Variants in LYPD6 observed in about 807,000 individuals in gnomAD.
The protein encoded by LYPD6 is LY6/PLAUR domain containing 6.
Under a neutral mutation model 22.7 loss-of-function variants are expected in LYPD6, and 15 were observed. That is an observed-to-expected ratio of 0.66 (90% CI 0.44 to 1.02). The LOEUF is 1.02. Ranked by LOEUF, LYPD6 falls within the 50% of genes least tolerant of loss-of-function variation. The pLI is 0.00. For missense variants in LYPD6, 189 were observed against 208.4 expected (o/e 0.91, Z 0.57); for synonymous variants, 72 against 77.5 (o/e 0.93, Z 0.37).
At chr2:149,451,591 T>C (rs559400960) in intron 3 of LYPD6, among the ~76,000 whole-genome samples, 8 of 152,328 alleles carry the variant, frequency 5.3e-5, no homozygotes, top group Admixed American at 2.0e-4. Context: ...AAACACTGCT[T>C]GAATGCCTCA....
At chr2:149,355,658 G>A (rs1040787876) in intron 1 of LYPD6, among the ~76,000 whole-genome samples, 1 of 152,132 alleles carries the variant, frequency 6.6e-6, no homozygotes, top group Non-Finnish European at 1.5e-5. Flanking sequence ...AGGGACTTGT[G>A]TATACTCAGA....
At chr2:149,474,738 A>G (rs1450975464), downstream of LYPD6, among the ~76,000 whole-genome samples, 2 of 152,058 alleles carry the variant, frequency 1.3e-5, no homozygotes, top group African/African-American at 4.8e-5. Flanking sequence ...TTGAAGATAC[A>G]GACTTACATG....
At chr2:149,363,823 C>G (rs752649205) in intron 1 of LYPD6, among the ~76,000 whole-genome samples, 25 of 152,138 alleles carry the variant, frequency 1.6e-4, no homozygotes, top group Non-Finnish European at 3.5e-4. Context: ...CCAGGATTAC[C>G]TGGCTGGTCT....
At chr2:149,445,799 C>A (rs1683674591) in intron 2 of LYPD6, among the ~76,000 whole-genome samples, 1 of 152,172 alleles carries the variant, frequency 6.6e-6, no homozygotes, top group African/African-American at 2.4e-5. Context: ...AAAGGCTGTT[C>A]TACATTCTTA....
chr2:149,406,668 TG>T (rs2105116336), intron 1 of LYPD6, among the ~76,000 whole-genome samples: 1 of 152,166 alleles, frequency 6.6e-6, no homozygotes, highest in East Asian at 1.9e-4. Flanking sequence ...CACACTGATT[TG>T]TCTTGACTCT....
intron 1 of LYPD6, among the ~76,000 whole-genome samples, chr2:149,379,140 C>T (rs1682002790): frequency 1.3e-5 from 2 of 152,158 alleles, no homozygotes; most frequent in Non-Finnish European, 2.9e-5. Flanking sequence ...GAGGGCTGTG[C>T]ATCTGTGGTA....
rs1028093507 is a variant in LYPD6 at position 149,473,999 on chromosome 2, A to G, written c.*3149A>G. On this transcript the variant is annotated 3_prime_UTR_variant, in exon 5 of 5. Coordinates refer to ENST00000334166, the MANE Select transcript of LYPD6 (RefSeq NM_194317.5). ...CGTATTCTATTTTGGGGGTTGTGTT[A>G]ATGATGATGAACCAGAAAAGATTTT... The G allele has an allele frequency of 6.6e-6, 1 of 151,382 alleles. No homozygotes were observed. Among genetic ancestry groups the G allele is most frequent in the Admixed American group, 6.6e-5 (1 of 15,250 alleles). The allele number at this position is 151,382 out of a possible 1,614,324, so 9.4% of individuals were successfully genotyped here.
downstream of LYPD6, among the ~76,000 whole-genome samples, chr2:149,478,399 T>TGTGTGCGC (rs1491190671): frequency 7.3e-5 from 11 of 150,086 alleles, no homozygotes; most frequent in African/African-American, 2.4e-4. Context: ...TGTGTGTGTG[T>TGTGTGCGC]GCGCGCACGC....
chr2:149,335,210 T>C (rs1681012902), intron 1 of LYPD6, among the ~76,000 whole-genome samples: 2 of 152,132 alleles, frequency 1.3e-5, no homozygotes, highest in African/African-American at 4.8e-5. Flanking sequence ...AAAGCATTGT[T>C]ATCATAGGAG....
intron 3 of LYPD6, among the ~76,000 whole-genome samples, chr2:149,456,114 C>CA (rs1343630825): frequency 6.6e-6 from 1 of 152,126 alleles, no homozygotes; most frequent in African/African-American, 2.4e-5. Flanking sequence ...GCAGAAAAGC[C>CA]AAAACAATAA....
chr2:149,368,761 C>T (rs1681737196), intron 1 of LYPD6, among the ~76,000 whole-genome samples: 1 of 151,760 alleles, frequency 6.6e-6, no homozygotes, highest in South Asian at 2.1e-4. Context: ...ACAGTGAAGT[C>T]AGAGGAAGAG....
rs201726398 is a variant in LYPD6 at position 149,437,844 on chromosome 2, G to T, written c.118+18G>T. On this transcript the variant is annotated intron_variant, in intron 2 of 4. Transcript: ENST00000334166. ...TCCTTCAAGTAAGACTGTTCTCTTTGCTGCAGAAATATCACTTTATTTCAA... is the reference window on the plus strand; with the variant it reads ...TCCTTCAAGTAAGACTGTTCTCTTTTCTGCAGAAATATCACTTTATTTCAA... 4 of 1,612,614 alleles carry T rather than the reference G, an allele frequency of 2.5e-6. No individual in the cohort carries two copies. The East Asian group carries it at 6.7e-5, about 27-fold the overall frequency.
At chr2:149,469,961 G>T (rs1041432583) in intron 4 of LYPD6, among the ~76,000 whole-genome samples, 1 of 152,098 alleles carries the variant, frequency 6.6e-6, no homozygotes, top group African/African-American at 2.4e-5. Flanking sequence ...GAATCACCTG[G>T]GAATCTTGTT....
At chr2:149,330,898 C>T (rs542184639) in intron 1 of LYPD6, among the ~76,000 whole-genome samples, 176 bp downstream of exon 1, 43 of 152,268 alleles carry the variant, frequency 2.8e-4, no homozygotes, top group African/African-American at 9.4e-4. Context: ...CGGCGTTTTG[C>T]CCCTAGTGGG....
At chr2:149,347,663 A>AT (rs960415364) in intron 1 of LYPD6, among the ~76,000 whole-genome samples, 1 of 151,998 alleles carries the variant, frequency 6.6e-6, no homozygotes, top group Non-Finnish European at 1.5e-5. Context: ...TATTTGTGTC[A>AT]TTTTTTTGGC....
chr2:149,422,324 C>G (rs938239520), intron 1 of LYPD6, among the ~76,000 whole-genome samples: 18 of 152,182 alleles, frequency 1.2e-4, no homozygotes, highest in South Asian at 2.1e-4. Flanking sequence ...CTAGGCTGAG[C>G]TGGCCCACTC....
rs1683465605 is a variant in LYPD6 at position 149,437,734 on chromosome 2, GGC to G, written c.27_28del (p.Trp9CysfsTer39). The G allele has an allele frequency of 6.2e-7, 1 of 1,614,038 alleles. No individual in the cohort carries two copies. The highest frequency in any genetic ancestry group is 1.3e-5 in the African/African-American group (1 of 74,938). ...ATGGAACCTGGCCCTGCTCTGGCCT[GGC>G]TCCTGCTCCTGAGCCTGCTGGCGGA... On this transcript the variant is annotated frameshift_variant, in exon 2 of 5. Transcript: ENST00000334166. LOFTEE classifies it high-confidence loss of function.
At chr2:149,485,125 A>G in the LYPD6 span, among the ~76,000 whole-genome samples, 3 of 152,194 alleles carry the variant, frequency 2.0e-5, no homozygotes, top group Non-Finnish European at 2.9e-5. Context: ...AAGGATTCGT[A>G]GCACAAGTGA....
At chr2:149,441,573 C>G (rs558874150) in intron 2 of LYPD6, among the ~76,000 whole-genome samples, 3 of 152,316 alleles carry the variant, frequency 2.0e-5, no homozygotes, top group African/African-American at 7.2e-5. Context: ...AACTTCATGG[C>G]TTTCAAACCT....
Sources: allele counts gnomAD v4.1 joint callset (sites outside exome capture counted in the v4.1 genomes callset), GRCh38; gene constraint gnomAD v4.1.1; transcripts MANE v1.5; gene names NCBI Gene and HGNC (gene_info 2026-07-23, HGNC 2026-07-21).